ANKRD17: variants seen among roughly 807,000 people sequenced by gnomAD.
ANKRD17 encodes ankyrin repeat domain 17, also known as ankyrin repeat domain-containing protein 17.
A neutral mutation model predicts 229.7 loss-of-function variants in ANKRD17; 19 were observed. That is an observed-to-expected ratio of 0.08 (90% confidence interval 0.06 to 0.12). ANKRD17 has a LOEUF of 0.12. ANKRD17 is among the 10% of genes least tolerant of loss of function. The pLI, the probability that ANKRD17 is intolerant of heterozygous loss-of-function variation, is 1.00. For synonymous variants in ANKRD17, 1,112 were observed against 1,146.1 expected, an observed-to-expected ratio of 0.97 and a Z score of 0.60; for missense variants, 2,176 against 3,176.8, an observed-to-expected ratio of 0.68 and a Z score of 7.57.
Position 73,092,288 on chromosome 4 carries a change from T to A in ANKRD17, c.5340A>T (p.Glu1780Asp). 1 of 1,612,602 alleles carries A rather than the reference T, an allele frequency of 6.2e-7. No individual in the cohort carries two copies. The highest frequency in any genetic ancestry group is 8.5e-7 in the Non-Finnish European group (1 of 1,179,286). ...TCAATTGAGTTGCTTGTCTTGTTGA[T>A]TCAGTGCCACCCCTATAAATTGAGA... ...DRIITIRGGT[E>D]STRQATQLIN... Residue 1780 changes from glutamate to aspartate, a missense_variant, in exon 29 of 34, where the codon GAA becomes GAT. By Grantham distance (45) the Glu-to-Asp change is conservative. Around this residue, in one of 18 missense-constraint regions of ANKRD17, gnomAD observed 142 missense variants for 200.4 expected, o/e 0.71. Transcript: ENST00000358602.
At chr4:73,104,108 G>T (rs1724330268) in intron 24 of ANKRD17, 1 of 152,172 alleles carries the variant, frequency 6.6e-6, no homozygotes, top group African/African-American at 2.4e-5. Context: ...TTTTAGGAAA[G>T]AATGCATCTA....
chr4:73,113,120 G>T (rs1047018791), intron 24 of ANKRD17: 50 of 1,217,394 alleles, frequency 4.1e-5, no homozygotes, highest in Non-Finnish European at 4.5e-5. Flanking sequence ...AGATATGGCA[G>T]TTCCATAATA....
At position 73,090,824 on chromosome 4, in the gene ANKRD17, G is replaced by A; in HGVS notation, c.6804C>T (p.Phe2268=). The change falls in exon 29 of 34, where the codon TTC becomes TTT. Residue 2268 remains phenylalanine (F), a synonymous_variant. Coordinates refer to ENST00000358602, the MANE Select transcript of ANKRD17 (RefSeq NM_032217.5). The stretch of plus-strand genomic sequence containing the variant: ...GAGATGAAACAACAGATCCTCCCCA[G>A]AAGGCATGAGCAGAAGTAGGGCTGT... ...FENSPTSAHA[F]WGGSVVSSQS... The A allele has an allele frequency of 1.2e-6, 2 of 1,614,210 alleles. No homozygotes were observed. Among genetic ancestry groups the A allele is most frequent in the Non-Finnish European group, 1.7e-6 (2 of 1,180,040 alleles).
chr4:73,154,543 C>CT (rs1180621988), intron 5 of ANKRD17, among the ~76,000 whole-genome samples: 1 of 151,862 alleles, frequency 6.6e-6, no homozygotes, highest in Non-Finnish European at 1.5e-5. Context: ...TATACTATAC[C>CT]TTTTAATCAT....
intron 7 of ANKRD17, 39 bp from the exon 8 acceptor site, chr4:73,149,089 T>C (rs1730654523): frequency 6.4e-7 from 1 of 1,559,628 alleles, no homozygotes; most frequent in Non-Finnish European, 8.7e-7. Context: ...ATCAGCACCA[T>C]TAAAAAAATC....
At chr4:73,212,733 T>C (rs1394767037) in intron 1 of ANKRD17, among the ~76,000 whole-genome samples, 5 of 152,052 alleles carry the variant, frequency 3.3e-5, no homozygotes, top group African/African-American at 1.2e-4. Flanking sequence ...TATAAGAATT[T>C]AGGCCAGCAC....
At chr4:73,214,507 A>C (rs937353044) in intron 1 of ANKRD17, among the ~76,000 whole-genome samples, 1 of 152,176 alleles carries the variant, frequency 6.6e-6, no homozygotes, top group African/African-American at 2.4e-5. Flanking sequence ...CTGTGTTGAC[A>C]CTTGCACTGA....
chr4:73,104,343 T>C (rs1230268175), intron 24 of ANKRD17, among the ~76,000 whole-genome samples: 1 of 152,102 alleles, frequency 6.6e-6, no homozygotes, highest in Admixed American at 6.5e-5. Flanking sequence ...CTCAGCTCAT[T>C]TGAGCCTTGC....
intron 25 of ANKRD17, among the ~76,000 whole-genome samples, chr4:73,100,584 C>T (rs889971169): frequency 9.9e-5 from 15 of 151,686 alleles, no homozygotes; most frequent in African/African-American, 2.2e-4. Context: ...TTCTTAATGT[C>T]GTTGCAGTTA....
Position 73,094,242 on chromosome 4 carries a change from GTA to G in ANKRD17, c.5178-16_5178-15del. 1 of 1,603,612 alleles carries G rather than the reference GTA, an allele frequency of 6.2e-7. No individual in the cohort carries two copies. Among genetic ancestry groups the G allele is most frequent in the Non-Finnish European group, 8.5e-7 (1 of 1,172,530 alleles). ...ACTTTCTTTGACCTGTTTAAAAGTT[GTA>G]TATATAAATTAAGATTAGTCATTAA... On this transcript the variant is annotated splice_polypyrimidine_tract_variant and intron_variant, in intron 27 of 33. Transcript: ENST00000358602.
Position 73,115,931 on chromosome 4 carries a change from T to G in ANKRD17, c.4189-15A>C. On this transcript the variant is annotated splice_polypyrimidine_tract_variant and intron_variant, in intron 22 of 33. Coordinates refer to ENST00000358602, the MANE Select transcript of ANKRD17 (RefSeq NM_032217.5). ...TTCACATGACCCTAAAAAATAGATA[T>G]CAATGTCAGATTGAAAACAGACTCT... 1.2e-6 allele frequency: 2 copies of G among 1,607,336 alleles called. No homozygotes were observed. Among genetic ancestry groups the G allele is most frequent in the Non-Finnish European group, 1.7e-6 (2 of 1,174,692 alleles).
chr4:73,186,361 ATCTT>A (rs1296661979), intron 1 of ANKRD17, among the ~76,000 whole-genome samples: 1 of 152,102 alleles, frequency 6.6e-6, no homozygotes, highest in Non-Finnish European at 1.5e-5. Context: ...AAGAAATAAA[ATCTT>A]TCTTGTAAAA....
chr4:73,233,621 C>G (rs894691863), intron 1 of ANKRD17, among the ~76,000 whole-genome samples: 1 of 152,146 alleles, frequency 6.6e-6, no homozygotes, highest in Non-Finnish European at 1.5e-5. Context: ...CCCTCCCATC[C>G]CCCCACTACC....
chr4:73,134,939 T>G (rs1385673016), intron 16 of ANKRD17, among the ~76,000 whole-genome samples, 178 bp downstream of exon 16: 1 of 152,208 alleles, frequency 6.6e-6, no homozygotes, highest in Admixed American at 6.5e-5. Flanking sequence ...TAATTATCAC[T>G]AATAATCTAT....
At chr4:73,122,349 A>C (rs553753471) in intron 18 of ANKRD17, among the ~76,000 whole-genome samples, 1 of 152,280 alleles carries the variant, frequency 6.6e-6, no homozygotes, top group East Asian at 1.9e-4. Context: ...TCCCTTCAAT[A>C]ATGCATGAGT....
chr4:73,219,722 A>G (rs1741602969), intron 1 of ANKRD17, among the ~76,000 whole-genome samples: 1 of 152,200 alleles, frequency 6.6e-6, no homozygotes, highest in Non-Finnish European at 1.5e-5. Flanking sequence ...CATCAAGTAC[A>G]GATGAAGCTG....
chr4:73,203,743 A>G (rs1435973408), intron 1 of ANKRD17, among the ~76,000 whole-genome samples: 1 of 129,766 alleles, frequency 7.7e-6, no homozygotes, highest in Non-Finnish European at 1.6e-5. Context: ...TGGGCGACAG[A>G]GCGAGACTCC....
At chr4:73,095,602 CAAAAA>C (rs74663586) in intron 27 of ANKRD17, among the ~76,000 whole-genome samples, 1 of 48,442 alleles carries the variant, frequency 2.1e-5, no homozygotes. Context: ...AACTCCATCT[CAAAAA>C]AAAAAAAAAA....
At chr4:73,176,575 T>C (rs766343499) in intron 2 of ANKRD17, among the ~76,000 whole-genome samples, 36 of 151,854 alleles carry the variant, frequency 2.4e-4, no homozygotes, top group Non-Finnish European at 4.9e-4. Context: ...GGGAGGGTAG[T>C]TGGGGCAGTG....
Sources: allele counts gnomAD v4.1 joint callset (sites outside exome capture counted in the v4.1 genomes callset), GRCh38; gene constraint gnomAD v4.1.1; regional missense constraint gnomAD v4.1.1; transcripts MANE v1.5; gene names NCBI Gene and HGNC (gene_info 2026-07-23, HGNC 2026-07-21).